Variants in NUP153 observed in about 807,000 individuals in gnomAD.
NUP153 encodes nuclear pore complex protein Nup153.
A neutral mutation model predicts 134.6 loss-of-function variants in NUP153; 27 were observed. The observed-to-expected ratio is 0.20, with a 90% CI of 0.15 to 0.28. The LOEUF is 0.28. NUP153 is among the 10% of genes least tolerant of loss of function. NUP153 has a pLI of 1.00. For synonymous variants in NUP153, 640 were observed against 623.5 expected (o/e 1.03, Z -0.40); for missense variants, 1,821 against 1,731.3 (o/e 1.05, Z -0.92).
rs780264869 is a variant in NUP153 at position 17,706,320 on chromosome 6, T to C, written c.68A>G (p.Gln23Arg). The change falls in exon 1 of 22, where the codon CAG becomes CGG. Residue 23 changes from glutamine to arginine, a missense_variant. By Grantham distance (43) the Gln-to-Arg change is conservative (BLOSUM62 1). Transcript: ENST00000262077. This position sits in a 1 kb window ranked among gnomAD's most constrained non-coding sequence, Gnocchi z 5.9. The stretch of plus-strand genomic sequence containing the variant: ...CTGCTGGTAAGGCTTAATTGGCCCC[T>C]GGTGGCAACGCCGCGTCCGGATCTT... The part of the protein sequence containing the change: ...GGKIRTRRCH[Q>R]GPIKPYQQGR... The C allele has an allele frequency of 3.7e-6, 6 of 1,613,712 alleles. No individual in the cohort carries two copies. The highest frequency in any genetic ancestry group is 3.4e-6 in the Non-Finnish European group (4 of 1,179,762).
intron 17 of NUP153, among the ~76,000 whole-genome samples, chr6:17,631,749 G>A (rs1765266202): frequency 1.3e-5 from 2 of 151,894 alleles, no homozygotes; most frequent in African/African-American, 2.4e-5. Flanking sequence ...GGTGGATCAC[G>A]AAGTCAGGAG....
intron 1 of NUP153, among the ~76,000 whole-genome samples, chr6:17,704,396 T>C (rs1033557207): frequency 6.6e-6 from 1 of 152,058 alleles, no homozygotes; most frequent in South Asian, 2.1e-4. Context: ...AAACAAGTCA[T>C]TTTTCTACAT....
At chr6:17,688,031 A>G (rs34093879) in intron 2 of NUP153, among the ~76,000 whole-genome samples, 5,218 of 152,232 alleles carry the variant, frequency 0.034, 130 homozygotes, top group African/African-American at 0.061. Flanking sequence ...AGGCAGGAGA[A>G]TGGCATGAAT....
chr6:17,632,570 G>T, intron 17 of NUP153, 80 bp downstream of exon 17: 1 of 1,037,758 alleles, frequency 9.6e-7, no homozygotes, highest in Non-Finnish European at 1.4e-6. Context: ...CACTGAAGCT[G>T]TTCTCAAATA....
intron 1 of NUP153, among the ~76,000 whole-genome samples, chr6:17,690,906 G>A (rs1441927067): frequency 2.0e-5 from 3 of 152,112 alleles, no homozygotes; most frequent in Non-Finnish European, 4.4e-5. Flanking sequence ...TTGGGAGGCC[G>A]AGGTGGGTGG....
chr6:17,706,459 G>A lies in NUP153; in HGVS notation c.-72C>T, dbSNP rs1581798852. Reference sequence around the variant, plus strand: ...GAGAGGCAGAGGCGGAGGCCTTAGAGAGCCTCCCCCGCCGCCCGGCCCCGG... The same window carrying A: ...GAGAGGCAGAGGCGGAGGCCTTAGAAAGCCTCCCCCGCCGCCCGGCCCCGG... On this transcript the variant is annotated 5_prime_UTR_variant, in exon 1 of 22. Coordinates refer to ENST00000262077, the MANE Select transcript of NUP153 (RefSeq NM_005124.4). The surrounding 1 kb of genome is among the most constrained non-coding windows in gnomAD (Gnocchi z 5.9). The A allele has an allele frequency of 8.2e-7, 1 of 1,218,218 alleles. No homozygotes were observed. Among genetic ancestry groups the A allele is most frequent in the Non-Finnish European group, 1.2e-6 (1 of 861,022 alleles). 75.5% of individuals were successfully genotyped at this position (1,218,218 alleles called of 1,614,324 possible).
chr6:17,652,178 A>AT lies in NUP153; in HGVS notation c.1396-2879dup, dbSNP rs929295707. On this transcript the variant is annotated intron_variant, in intron 11 of 21. Coordinates refer to ENST00000262077, the MANE Select transcript of NUP153 (RefSeq NM_005124.4). ...TACCCTCCCTCCCCATGAAAAATGA[A>AT]TAAGAACAAAGATCTAATACTATCA... is the stretch of plus-strand genomic sequence containing the variant. Among the ~76,000 whole-genome samples, 16 of 152,340 alleles carry AT rather than the reference A, an allele frequency of 1.1e-4. No individual in the cohort carries two copies. In the East Asian group the frequency reaches 2.9e-3, roughly 28 times the overall value.
chr6:17,641,238 A>G (rs559171121), intron 14 of NUP153, among the ~76,000 whole-genome samples: 1 of 152,120 alleles, frequency 6.6e-6, no homozygotes, highest in African/African-American at 2.4e-5. Flanking sequence ...AAAAGAAACA[A>G]TAAGAAACAA....
intron 8 of NUP153, among the ~76,000 whole-genome samples, chr6:17,666,099 T>C (rs1213864161): frequency 6.6e-6 from 1 of 151,768 alleles, no homozygotes; most frequent in Non-Finnish European, 1.5e-5. Flanking sequence ...AGTGCTGGGA[T>C]TACAGGCATG....
rs1764254735 is a variant in NUP153 at position 17,615,224 on chromosome 6, T to A, written c.*873A>T. On this transcript the variant is annotated 3_prime_UTR_variant, in exon 22 of 22. Coordinates refer to ENST00000262077, the MANE Select transcript of NUP153 (RefSeq NM_005124.4). This position sits in a 1 kb window ranked among gnomAD's most constrained non-coding sequence, Gnocchi z 5.7. ...GGTTTTTGGTCCAAACAAAACTGGA[T>A]CAGAAAAGCCAATAAATTCAACTTT... 1 of 152,550 alleles carries A rather than the reference T, an allele frequency of 6.6e-6. No individual in the cohort carries two copies. The highest frequency in any genetic ancestry group is 1.5e-5 in the Non-Finnish European group (1 of 68,014). The allele number at this position is 152,550 out of a possible 1,614,324, so 9.4% of individuals were successfully genotyped here.
intron 1 of NUP153, among the ~76,000 whole-genome samples, chr6:17,705,209 A>C (rs1164749140): frequency 6.6e-6 from 1 of 152,350 alleles, no homozygotes; most frequent in African/African-American, 2.4e-5. Context: ...CTTTTGCTAC[A>C]CTTTTGTTTT....
At chr6:17,665,196 C>A in intron 9 of NUP153, 43 bp downstream of exon 9, 1 of 1,450,620 alleles carries the variant, frequency 6.9e-7, no homozygotes, top group South Asian at 1.2e-5. Context: ...CTTACTTATT[C>A]TAATCAATAT....
intron 2 of NUP153, among the ~76,000 whole-genome samples, chr6:17,682,985 C>T (rs1273011114): frequency 1.3e-5 from 2 of 151,018 alleles, no homozygotes; most frequent in South Asian, 2.1e-4. Context: ...CTTATCCATT[C>T]GAGTTTGAGC....
chr6:17,617,453 T>G, intron 20 of NUP153, among the ~76,000 whole-genome samples: 1 of 129,994 alleles, frequency 7.7e-6, no homozygotes. Flanking sequence ...GAAGTGAGGA[T>G]GTAGTGGGAA....
At chr6:17,642,612 T>C (rs944505940) in intron 14 of NUP153, among the ~76,000 whole-genome samples, 2 of 152,222 alleles carry the variant, frequency 1.3e-5, no homozygotes, top group Admixed American at 6.5e-5. Context: ...TCAACTACTG[T>C]GGAAAACAGT....
At chr6:17,704,628 A>AAACCT (rs1415822121) in intron 1 of NUP153, among the ~76,000 whole-genome samples, 1 of 152,140 alleles carries the variant, frequency 6.6e-6, no homozygotes, top group African/African-American at 2.4e-5. Context: ...TAACAGTGCC[A>AAACCT]AACCTAACCA....
At chr6:17,688,193 G>C (rs6938802) in intron 2 of NUP153, among the ~76,000 whole-genome samples, 29,894 of 152,126 alleles carry the variant, frequency 0.2, 3,809 homozygotes, top group Non-Finnish European at 0.27. Flanking sequence ...AGAGCTTGCA[G>C]TCTTAACTGA....
Position 17,674,685 on chromosome 6 carries a change from G to A in NUP153, c.852+220C>T, listed in dbSNP as rs182846815. On this transcript the variant is annotated intron_variant, in intron 5 of 21. Coordinates refer to ENST00000262077, the MANE Select transcript of NUP153 (RefSeq NM_005124.4). ...CTTGGGAGGCTAAGGCAGGAGAATC[G>A]CTTGAAACCAGGAGACGGAGGTTGC... is the stretch of plus-strand genomic sequence containing the variant. Among the ~76,000 whole-genome samples the A allele has an allele frequency of 3.7e-3, 557 of 152,228 alleles. 4 individuals are homozygous for A. Among genetic ancestry groups the A allele is most frequent in the African/African-American group, 0.012 (516 of 41,558 alleles).
chr6:17,694,820 TAA>T (rs918874855), intron 1 of NUP153, among the ~76,000 whole-genome samples: 4 of 148,826 alleles, frequency 2.7e-5, no homozygotes, highest in African/African-American at 9.9e-5. Flanking sequence ...CTACTAAAAA[TAA>T]AAAAAAAGTA....
Sources: gnomAD v4.1 joint callset for allele counts (sites outside exome capture counted in the v4.1 genomes callset) on GRCh38, gnomAD v4.1.1 for gene constraint, Gnocchi (gnomAD v3.1) non-coding constraint, MANE v1.5 for transcripts, NCBI Gene and HGNC (gene_info 2026-07-23, HGNC 2026-07-21) for gene names.